Variants in HSD17B3 observed in about 807,000 individuals in gnomAD.
HSD17B3 encodes the protein 17-beta-hydroxysteroid dehydrogenase type 3.
In HSD17B3, 29 loss-of-function variants were observed where a neutral mutation model predicts 41.1. That is an observed-to-expected ratio of 0.71 (90% CI 0.53 to 0.96). HSD17B3 has a LOEUF of 0.96. Among genes scored for constraint, HSD17B3 ranks in the 40% least tolerant of loss-of-function variants. HSD17B3 has a pLI of 0.00. For synonymous variants in HSD17B3, 126 were observed against 145.6 expected (o/e 0.87, Z 0.97); for missense variants, 323 against 374.6 (o/e 0.86, Z 1.14).
At chr9:96,271,645 C>G (rs1826249271) in intron 2 of HSD17B3, among the ~76,000 whole-genome samples, 1 of 152,156 alleles carries the variant, frequency 6.6e-6, no homozygotes, top group South Asian at 2.1e-4. Context: ...GAGCAAGAAC[C>G]CACACGATAG....
In HSD17B3 at chr9:96,251,452, G is replaced by C; in HGVS notation, c.419C>G (p.Pro140Arg). 2.5e-6 allele frequency: 4 copies of C among 1,614,162 alleles called. No individual in the cohort carries two copies. Among genetic ancestry groups the C allele is most frequent in the Non-Finnish European group, 3.4e-6 (4 of 1,179,976 alleles). The stretch of plus-strand genomic sequence containing the variant: ...ATCCGGTGCGTTCAGGAAATGGCTT[G>C]GGAGAAGGTTTGGAAGCATTCCGAC... ...NNVGMLPNLLPSHFLNAPDEI... is the reference protein window; with the variant it reads ...NNVGMLPNLLRSHFLNAPDEI... The change falls in exon 5 of 11, where the codon CCA (proline) becomes CGA (arginine). Residue 140 changes from proline (P) to arginine (R), a missense_variant. Transcript: ENST00000375263.
chr9:96,302,040 G>T lies in HSD17B3; in HGVS notation c.65C>A (p.Ala22Glu). The part of the protein sequence containing the change: ...TGLLVCLACL[A>E]KCVRFSRCVL... ...ACATCTGGAGAATCTCACGCACTTC[G>T]CCAGGCAGGCCAGGCACACCAGCAG... Residue 22 changes from alanine (A) to glutamate (E), a missense_variant, in exon 1 of 11, where the codon GCG becomes GAG. Transcript: ENST00000375263. 3 of 1,614,046 alleles carry T rather than the reference G, an allele frequency of 1.9e-6. No homozygotes were observed. The highest frequency in any genetic ancestry group is 1.7e-6 in the Non-Finnish European group (2 of 1,179,978).
Position 96,252,911 on chromosome 9 carries a change from C to G in HSD17B3, c.278-1G>C, listed in dbSNP as rs149607031. ...TTCACACTCCTCCCTGTAGTCCGCTCTACACGAGAGACAACAGTTTTTTTA... is the reference window on the plus strand; with the variant it reads ...TTCACACTCCTCCCTGTAGTCCGCTGTACACGAGAGACAACAGTTTTTTTA... On this transcript the variant is annotated splice_acceptor_variant, in intron 3 of 10. Coordinates refer to ENST00000375263, the MANE Select transcript of HSD17B3 (RefSeq NM_000197.2). LOFTEE classifies it high-confidence loss of function. 109 of 1,593,724 alleles carry G rather than the reference C, an allele frequency of 6.8e-5. No homozygotes were observed. The highest frequency in any genetic ancestry group is 8.7e-5 in the Non-Finnish European group (101 of 1,161,710).
intron 2 of HSD17B3, among the ~76,000 whole-genome samples, chr9:96,264,016 A>C (rs1193021857): frequency 6.6e-6 from 1 of 152,174 alleles, no homozygotes; most frequent in African/African-American, 2.4e-5. Context: ...AAAAATAAGT[A>C]TGTGAAGTAA....
intron 1 of HSD17B3, among the ~76,000 whole-genome samples, chr9:96,299,143 C>T (rs955104235): frequency 1.6e-4 from 24 of 152,166 alleles, no homozygotes; most frequent in African/African-American, 5.8e-4. Flanking sequence ...CTCTAGTATA[C>T]GCTTCATTCG....
At chr9:96,257,837 T>C (rs1346863328) in intron 2 of HSD17B3, among the ~76,000 whole-genome samples, 3 of 152,202 alleles carry the variant, frequency 2.0e-5, no homozygotes, top group Non-Finnish European at 4.4e-5. Flanking sequence ...GCTAATTCTT[T>C]ATTTTTTGTA....
In HSD17B3 at chr9:96,245,545, A is replaced by T. The variant is rs1836628503; in HGVS notation, c.525-119T>A. The T allele has an allele frequency of 4.0e-6, 3 of 747,388 alleles. No homozygotes were observed. The South Asian group carries it at 4.4e-5, about 11-fold the overall frequency. The allele number at this position is 747,388 out of a possible 1,614,324, so 46.3% of individuals were successfully genotyped here. ...ACTCGACCCTTTCTAGGCTTCCGCA[A>T]GTGCTAGGGGCTCTGCTTCTAGGAA... On this transcript the variant is annotated intron_variant, in intron 7 of 10. Coordinates refer to ENST00000375263, the MANE Select transcript of HSD17B3 (RefSeq NM_000197.2).
At chr9:96,251,609 G>A in intron 4 of HSD17B3, 124 bp from the exon 5 acceptor site, 1 of 845,452 alleles carries the variant, frequency 1.2e-6, no homozygotes, top group Non-Finnish European at 2.0e-6. Context: ...TAACGGTGAG[G>A]AAACTGGGGG....
rs925088320 is a variant in HSD17B3 at position 96,244,498 on chromosome 9, C to A, written c.607-104G>T. On this transcript the variant is annotated intron_variant, in intron 8 of 10. Transcript: ENST00000375263. ...CACTGCAGACACACTACCTGCTAGA[C>A]CTTAAAATAGAGTGGGGAGCTCTGG... is the stretch of plus-strand genomic sequence containing the variant. 13 of 1,041,250 alleles carry A rather than the reference C, an allele frequency of 1.2e-5. No individual in the cohort carries two copies. In the African/African-American group the frequency reaches 1.6e-4, roughly 13 times the overall value. 64.5% of individuals were successfully genotyped at this position (1,041,250 alleles called of 1,614,324 possible). A position where few individuals can be genotyped will look rare whatever the true frequency, so the allele number is the denominator to read the frequency against.
intron 2 of HSD17B3, among the ~76,000 whole-genome samples, chr9:96,269,909 G>GAAAAAAAAAAA (rs59947729): frequency 9.6e-6 from 1 of 103,880 alleles, no homozygotes; most frequent in African/African-American, 3.7e-5. Flanking sequence ...ATCTTAAAAA[G>GAAAAAAAAAAA]AAAAAAAAAA....
intron 9 of HSD17B3, among the ~76,000 whole-genome samples, chr9:96,241,629 G>A (rs1403923067): frequency 6.6e-6 from 1 of 152,080 alleles, no homozygotes; most frequent in Admixed American, 6.5e-5. Flanking sequence ...AGAACAAAGG[G>A]TTTGGCATCT....
chr9:96,250,509 A>G, intron 5 of HSD17B3: 1 of 1,042,694 alleles, frequency 9.6e-7, no homozygotes, highest in Non-Finnish European at 1.2e-6. Context: ...GAATGGAAGC[A>G]TGAGAGCCTG....
chr9:96,300,209 GACACACACACACACACACACACACACAC>G (rs55707445), intron 1 of HSD17B3, among the ~76,000 whole-genome samples: 1 of 116,310 alleles, frequency 8.6e-6, no homozygotes, highest in Non-Finnish European at 1.8e-5. Context: ...ACCCCAAGAG[GACACACACACACACACACACACACACAC>G]ACACACACAC....
At chr9:96,277,953 TGAG>T (rs1826537770) in intron 2 of HSD17B3, among the ~76,000 whole-genome samples, 1 of 151,860 alleles carries the variant, frequency 6.6e-6, no homozygotes, top group Admixed American at 6.6e-5. Context: ...CATGGATAAA[TGAG>T]GAGATTATGC....
At position 96,244,385 on chromosome 9, in the gene HSD17B3, A is replaced by G; in HGVS notation, c.616T>C (p.Cys206Arg). 1 of 1,614,130 alleles carries G rather than the reference A, an allele frequency of 6.2e-7. No individual in the cohort carries two copies. The highest frequency in any genetic ancestry group is 8.5e-7 in the Non-Finnish European group (1 of 1,180,032). The change falls in exon 9 of 11, where the codon TGC becomes CGC. Residue 206 changes from cysteine (C) to arginine (R), a missense_variant. Coordinates refer to ENST00000375263, the MANE Select transcript of HSD17B3 (RefSeq NM_000197.2). ...TCTTGCAGGGCCTTGGAAAATGCGC[A>G]CACAAACGCCTGGAGCAAGAAGGAG... Reference protein sequence around the residue: ...SMYSASKAFVCAFSKALQEEY... With the variant: ...SMYSASKAFVRAFSKALQEEY...
chr9:96,287,123 G>A (rs1348314208), intron 2 of HSD17B3, among the ~76,000 whole-genome samples: 1 of 152,096 alleles, frequency 6.6e-6, no homozygotes, highest in Non-Finnish European at 1.5e-5. Flanking sequence ...CAGGGGTGGT[G>A]ACCTTCAGCA....
intron 2 of HSD17B3, among the ~76,000 whole-genome samples, chr9:96,290,570 A>G (rs1305828329): frequency 6.8e-6 from 1 of 147,650 alleles, no homozygotes; most frequent in African/African-American, 2.5e-5. Flanking sequence ...ACAGTGGCTC[A>G]CACCTGTAAT....
At chr9:96,263,507 A>T (rs955102827) in intron 2 of HSD17B3, among the ~76,000 whole-genome samples, 2 of 151,880 alleles carry the variant, frequency 1.3e-5, no homozygotes, top group Non-Finnish European at 2.9e-5. Context: ...CACGAGGTCA[A>T]GAGATTGAGA....
chr9:96,251,106 G>A (rs966375723), intron 5 of HSD17B3: 7 of 377,434 alleles, frequency 1.9e-5, no homozygotes, highest in East Asian at 4.3e-5. Context: ...TCACAGCTGC[G>A]AATGTGTTAG....
Sources: allele counts gnomAD v4.1 joint callset (sites outside exome capture counted in the v4.1 genomes callset), GRCh38; gene constraint gnomAD v4.1.1; transcripts MANE v1.5; gene names NCBI Gene and HGNC (gene_info 2026-07-23, HGNC 2026-07-21).